The following MRPL13 variants were observed in gnomAD, a reference collection of about 807,000 sequenced individuals.
MRPL13 encodes mitochondrial ribosomal protein L13.
A neutral mutation model predicts 29.0 loss-of-function variants in MRPL13; 33 were observed. The observed-to-expected ratio is 1.14, with a 90% CI of 0.86 to 1.52. The LOEUF (loss-of-function observed/expected upper bound fraction) is 1.52, where lower values mean the gene tolerates loss of function less well. Among genes scored for constraint, MRPL13 ranks in the 40% most tolerant of loss-of-function variants. The probability of loss-of-function intolerance (pLI) is 0.00; values close to 1 mark genes in which losing one functional copy is unlikely to be tolerated. For missense variants in MRPL13, 227 were observed against 216.7 expected, an observed-to-expected ratio of 1.05 and a Z score of -0.30; for synonymous variants, 77 against 68.4, an observed-to-expected ratio of 1.13 and a Z score of -0.62.
Position 120,414,032 on chromosome 8 carries a change from G to A in MRPL13, c.474C>T (p.Tyr158=). 1 of 1,593,988 alleles carries A rather than the reference G, an allele frequency of 6.3e-7. No homozygotes were observed. Among genetic ancestry groups the A allele is most frequent in the Non-Finnish European group, 8.5e-7 (1 of 1,172,754 alleles). The change falls in exon 6 of 7, where the codon TAC becomes TAT. Residue 158 remains tyrosine, a synonymous_variant. Coordinates refer to ENST00000306185, the MANE Select transcript of MRPL13 (RefSeq NM_014078.6). ...GGAAGGCGTCTATTTCTTCTTGTGT[G>A]TACTCATCTAGACGTTTAGGTATTT... ...PRKIPKRLDE[Y]TQEEIDAFPR...
chr8:120,415,715 T>C (rs1812795613), intron 5 of MRPL13: 1 of 152,190 alleles, frequency 6.6e-6, no homozygotes, highest in African/African-American at 2.4e-5. Context: ...CCTATTGTTA[T>C]CACTTTCTCA....
chr8:120,420,024 G>A (rs1231031986), intron 4 of MRPL13, 86 bp from the exon 5 acceptor site: 14 of 848,412 alleles, frequency 1.7e-5, no homozygotes, highest in Non-Finnish European at 2.4e-5. Context: ...TGATGAAAAT[G>A]AGGGGTTTAG....
At chr8:120,398,062 G>A (rs1411680381) in intron 6 of MRPL13, among the ~76,000 whole-genome samples, 1 of 152,226 alleles carries the variant, frequency 6.6e-6, no homozygotes, top group Non-Finnish European at 1.5e-5. Context: ...AGCCTTTCCA[G>A]ACTGTTGGCT....
chr8:120,420,589 T>A (rs1414159492), intron 4 of MRPL13, among the ~76,000 whole-genome samples: 6 of 151,240 alleles, frequency 4.0e-5, no homozygotes, highest in Non-Finnish European at 8.9e-5. Flanking sequence ...TCGGTTGACA[T>A]GTAGCTAGTG....
chr8:120,444,995 T>C (rs571481466), intron 1 of MRPL13, 73 bp downstream of exon 1: 2 of 1,604,802 alleles, frequency 1.2e-6, no homozygotes, highest in East Asian at 2.2e-5. Context: ...CTTCACTACT[T>C]AATCTGCCGG....
At chr8:120,441,686 AT>A (rs1448843881) in intron 2 of MRPL13, among the ~76,000 whole-genome samples, 1 of 152,258 alleles carries the variant, frequency 6.6e-6, no homozygotes, top group Non-Finnish European at 1.5e-5. Flanking sequence ...GTTCAAAAAA[AT>A]AATAGCTGTA....
chr8:120,431,952 CT>C, intron 3 of MRPL13, 77 bp downstream of exon 3: 1 of 1,018,528 alleles, frequency 9.8e-7, no homozygotes, highest in Non-Finnish European at 1.4e-6. Flanking sequence ...TATCTTTTTT[CT>C]TTTAAGTAAG....
rs1307524456 is a variant in MRPL13 at position 120,426,974 on chromosome 8, C to A, written c.246-1608G>T. Among the ~76,000 whole-genome samples, 6 of 152,034 alleles carry A rather than the reference C, an allele frequency of 3.9e-5. 1 individual carries two copies. The highest frequency in any genetic ancestry group is 1.4e-4 in the African/African-American group (6 of 41,480). On this transcript the variant is annotated intron_variant, in intron 3 of 6. Coordinates refer to ENST00000306185, the MANE Select transcript of MRPL13 (RefSeq NM_014078.6). The stretch of plus-strand genomic sequence containing the variant: ...GTGAAAGTTCAAGGTGCACACACAC[C>A]CAATTCAACCAACCCCTAAAAAATT...
At chr8:120,427,199 C>T (rs1394663487) in intron 3 of MRPL13, among the ~76,000 whole-genome samples, 2 of 152,038 alleles carry the variant, frequency 1.3e-5, no homozygotes, top group African/African-American at 2.4e-5. Context: ...GATAAAGTAA[C>T]ACTGAAACTT....
chr8:120,428,949 G>A (rs2130476645), intron 3 of MRPL13, among the ~76,000 whole-genome samples: 1 of 152,268 alleles, frequency 6.6e-6, no homozygotes, highest in South Asian at 2.1e-4. Context: ...ATTCCTCAAA[G>A]TCCTACAGAC....
intron 6 of MRPL13, among the ~76,000 whole-genome samples, chr8:120,406,365 T>A (rs2130454600): frequency 6.6e-6 from 1 of 152,264 alleles, no homozygotes; most frequent in South Asian, 2.1e-4. Context: ...ACCCAAAACA[T>A]GAATTTATCA....
intron 2 of MRPL13, among the ~76,000 whole-genome samples, chr8:120,439,137 G>A (rs567970504): frequency 1.3e-5 from 2 of 152,222 alleles, no homozygotes; most frequent in Non-Finnish European, 2.9e-5. Context: ...TGTGTTACTT[G>A]ACGCACATGT....
chr8:120,424,266 C>T (rs1475814936), intron 4 of MRPL13, among the ~76,000 whole-genome samples: 1 of 152,000 alleles, frequency 6.6e-6, no homozygotes, highest in African/African-American at 2.4e-5. Context: ...CAATTCCAAT[C>T]TTAAATTCAT....
At chr8:120,440,066 A>T (rs1813100602) in intron 2 of MRPL13, among the ~76,000 whole-genome samples, 1 of 152,202 alleles carries the variant, frequency 6.6e-6, no homozygotes, top group African/African-American at 2.4e-5. Flanking sequence ...GCAAAATTTT[A>T]TGTGCTCTTG....
At chr8:120,415,899 C>A (rs980385600) in intron 5 of MRPL13, 1 of 152,112 alleles carries the variant, frequency 6.6e-6, no homozygotes. Flanking sequence ...ATAAAATTCC[C>A]TAGATCAGTT....
chr8:120,404,410 T>C (rs555796675), intron 6 of MRPL13, among the ~76,000 whole-genome samples: 1 of 152,348 alleles, frequency 6.6e-6, no homozygotes, highest in African/African-American at 2.4e-5. Flanking sequence ...TAAAGGAATG[T>C]GGACATTGAC....
chr8:120,408,806 G>A (rs1812708680), intron 6 of MRPL13, among the ~76,000 whole-genome samples: 1 of 152,188 alleles, frequency 6.6e-6, no homozygotes, highest in South Asian at 2.1e-4. Context: ...AAAATGGGTA[G>A]TTTTTAGGAT....
chr8:120,438,312 G>A (rs571556812), intron 2 of MRPL13, among the ~76,000 whole-genome samples: 4 of 152,340 alleles, frequency 2.6e-5, no homozygotes, highest in African/African-American at 9.6e-5. Context: ...TTGCACTGCA[G>A]CCTGGATGGC....
chr8:120,415,578 T>G (rs929263824), intron 5 of MRPL13: 1 of 152,196 alleles, frequency 6.6e-6, no homozygotes, highest in African/African-American at 2.4e-5. Flanking sequence ...TTAGGCAATT[T>G]AAATGAATTT....
Sources: gnomAD v4.1 joint callset for allele counts (sites outside exome capture counted in the v4.1 genomes callset) on GRCh38, gnomAD v4.1.1 for gene constraint, MANE v1.5 for transcripts, NCBI Gene and HGNC (gene_info 2026-07-23, HGNC 2026-07-21) for gene names.